SORCS2: variants seen among roughly 807,000 people sequenced by gnomAD.
SORCS2 encodes VPS10 domain-containing receptor SorCS2.
SORCS2 carries 100 observed loss-of-function variants against 141.6 expected under a neutral mutation model. That is an observed-to-expected ratio of 0.71 (90% CI 0.60 to 0.83). The LOEUF (loss-of-function observed/expected upper bound fraction) is 0.83. SORCS2 is among the 40% of genes least tolerant of loss of function. SORCS2 has a pLI of 0.00. For synonymous variants in SORCS2, 789 were observed against 676.9 expected, an observed-to-expected ratio of 1.17 and a Z score of -2.57; for missense variants, 1,646 against 1,560.2, an observed-to-expected ratio of 1.05 and a Z score of -0.93.
At chr4:7,724,378 GT>G (rs1726892257) in intron 19 of SORCS2, among the ~76,000 whole-genome samples, 1 of 146,308 alleles carries the variant, frequency 6.8e-6, no homozygotes, top group Admixed American at 6.8e-5. Context: ...GATGATGGTG[GT>G]GATAGGGTGT....
intron 2 of SORCS2, among the ~76,000 whole-genome samples, chr4:7,467,435 G>A (rs542784929): frequency 6.6e-6 from 1 of 152,304 alleles, no homozygotes; most frequent in African/African-American, 2.4e-5. Flanking sequence ...CGACTGCCAG[G>A]TCACCTTGTC....
intron 3 of SORCS2, among the ~76,000 whole-genome samples, chr4:7,620,703 T>G (rs1452919380): frequency 6.6e-6 from 1 of 152,190 alleles, no homozygotes; most frequent in African/African-American, 2.4e-5. Flanking sequence ...TCCCCATAGG[T>G]TGGCCTGGAA....
chr4:7,625,403 C>A lies in SORCS2; in HGVS notation c.649-12925C>A, dbSNP rs141570515. The stretch of plus-strand genomic sequence containing the variant: ...TTTGTCTGTAAAAGAGAGACAAGAA[C>A]ATCTCCCACATGTAGCATTGTGAGA... On this transcript the variant is annotated intron_variant, in intron 3 of 26. Coordinates refer to ENST00000507866, the MANE Select transcript of SORCS2 (RefSeq NM_020777.3). Among the ~76,000 whole-genome samples the A allele has an allele frequency of 2.0e-5, 3 of 152,196 alleles. No individual in the cohort carries two copies. In the East Asian group the frequency reaches 5.8e-4, roughly 29 times the overall value.
chr4:7,680,619 A>G (rs184357869), intron 9 of SORCS2, among the ~76,000 whole-genome samples: 20 of 152,236 alleles, frequency 1.3e-4, no homozygotes, highest in Non-Finnish European at 5.9e-5. Context: ...ACAGCATCCT[A>G]TGCAGATAAT....
At position 7,233,260 on chromosome 4, in the gene SORCS2, G is replaced by A. The variant is rs982312257; in HGVS notation, c.480+40134G>A. Among the ~76,000 whole-genome samples the A allele has an allele frequency of 1.3e-5, 2 of 152,198 alleles. No individual in the cohort carries two copies. The highest frequency in any genetic ancestry group is 4.8e-5 in the African/African-American group (2 of 41,450). Reference sequence around the variant, plus strand: ...AGCCCTGAGAACTAGGAAGGGTGGTGTGGGACCCAGACACCAACTGTGGAC... The same window carrying A: ...AGCCCTGAGAACTAGGAAGGGTGGTATGGGACCCAGACACCAACTGTGGAC... On this transcript the variant is annotated intron_variant, in intron 1 of 26. Transcript: ENST00000507866. This position sits in a 1 kb window ranked among gnomAD's most constrained non-coding sequence, Gnocchi z 4.5.
At chr4:7,422,185 C>T (rs545323117) in intron 2 of SORCS2, among the ~76,000 whole-genome samples, 6 of 152,322 alleles carry the variant, frequency 3.9e-5, no homozygotes, top group South Asian at 2.1e-4. Flanking sequence ...CCTGTGCCTC[C>T]GTCACCATCC....
At chr4:7,426,123 C>G (rs944421473) in intron 2 of SORCS2, among the ~76,000 whole-genome samples, 1 of 152,218 alleles carries the variant, frequency 6.6e-6, no homozygotes, top group African/African-American at 2.4e-5. Context: ...GAAACAGATG[C>G]ACTCACAAGG....
chr4:7,587,402 C>T (rs1332657206), intron 3 of SORCS2, among the ~76,000 whole-genome samples: 3 of 152,230 alleles, frequency 2.0e-5, no homozygotes, highest in African/African-American at 7.2e-5. Flanking sequence ...GACCCTCACA[C>T]ACCTGCCACC....
intron 3 of SORCS2, among the ~76,000 whole-genome samples, chr4:7,537,433 A>G (rs1712221660): frequency 6.6e-6 from 1 of 152,062 alleles, no homozygotes; most frequent in Non-Finnish European, 1.5e-5. Context: ...CGGGGTCTCT[A>G]AGCCCCTCCC....
rs1321342397 is a variant in SORCS2 at position 7,628,192 on chromosome 4, A to G, written c.649-10136A>G. ...CTGAGACATCAGCACACAGAACAGA[A>G]CAGAACACAACAGAACAGAACGCCA... On this transcript the variant is annotated intron_variant, in intron 3 of 26. Transcript: ENST00000507866. 2.6e-5 allele frequency among the ~76,000 whole-genome samples: 4 copies of G among 152,182 alleles called. No homozygotes were observed. In the East Asian group the frequency reaches 5.8e-4, roughly 22 times the overall value.
chr4:7,672,729 G>C (rs894088760), intron 8 of SORCS2, among the ~76,000 whole-genome samples: 1 of 152,124 alleles, frequency 6.6e-6, no homozygotes, highest in Non-Finnish European at 1.5e-5. Context: ...CTTCGTCTTA[G>C]TTCAACAAAC....
chr4:7,412,212 G>T (rs765267503), intron 2 of SORCS2, among the ~76,000 whole-genome samples: 1 of 152,158 alleles, frequency 6.6e-6, no homozygotes, highest in African/African-American at 2.4e-5. Context: ...TGCCACCCGC[G>T]TGTCACTCTC....
chr4:7,667,354 C>A, intron 8 of SORCS2, 141 bp downstream of exon 8: 1 of 733,392 alleles, frequency 1.4e-6, no homozygotes, highest in Non-Finnish European at 2.3e-6. Context: ...CTTCGTCCAG[C>A]TGCTCACCCC....
rs747716104 is a variant in SORCS2 at position 7,433,630 on chromosome 4, C to A, written c.548+37275C>A. 3 of 1,610,800 alleles carry A rather than the reference C, an allele frequency of 1.9e-6. 1 individual carries two copies. Among genetic ancestry groups the A allele is most frequent in the South Asian group, 2.2e-5 (2 of 90,578 alleles). On this transcript the variant is annotated intron_variant, in intron 2 of 26. Coordinates refer to ENST00000507866, the MANE Select transcript of SORCS2 (RefSeq NM_020777.3). ...ACCCTTGAAGGCCACCAGGATGTCT[C>A]GCTTGGTGCTCTTGCTCTCCAAGTT...
At chr4:7,230,861 T>C (rs988328284) in intron 1 of SORCS2, among the ~76,000 whole-genome samples, 8 of 152,072 alleles carry the variant, frequency 5.3e-5, no homozygotes, top group Non-Finnish European at 8.8e-5. Context: ...ATGAAGATGG[T>C]CAAGCCTTCG....
At chr4:7,684,912 AG>A (rs1723780734) in intron 10 of SORCS2, among the ~76,000 whole-genome samples, 1 of 152,156 alleles carries the variant, frequency 6.6e-6, no homozygotes, top group Non-Finnish European at 1.5e-5. Flanking sequence ...CCCTGGGGCC[AG>A]GGTGGGACTC....
intron 12 of SORCS2, among the ~76,000 whole-genome samples, chr4:7,700,247 C>G (rs1724976092): frequency 6.6e-6 from 1 of 152,246 alleles, no homozygotes; most frequent in Non-Finnish European, 1.5e-5. Flanking sequence ...AACAAAATGT[C>G]ATTTGTCCAC....
intron 2 of SORCS2, among the ~76,000 whole-genome samples, chr4:7,465,132 G>T (rs533509368): frequency 1.3e-5 from 2 of 152,200 alleles, no homozygotes; most frequent in Non-Finnish European, 2.9e-5. Context: ...GCCGCTGGGC[G>T]AAAGAAGGCC....
intron 2 of SORCS2, among the ~76,000 whole-genome samples, chr4:7,528,110 T>A (rs888380536): frequency 3.0e-5 from 3 of 100,264 alleles, no homozygotes; most frequent in African/African-American, 1.0e-4. Flanking sequence ...CAGGGCACAG[T>A]GTCCACGCTG....
Sources: gnomAD v4.1 joint callset for allele counts (sites outside exome capture counted in the v4.1 genomes callset) on GRCh38, gnomAD v4.1.1 for gene constraint, Gnocchi (gnomAD v3.1) non-coding constraint, MANE v1.5 for transcripts, NCBI Gene and HGNC (gene_info 2026-07-23, HGNC 2026-07-21) for gene names.